AUH: variants seen among roughly 807,000 people sequenced by gnomAD.
AUH encodes the protein methylglutaconyl-CoA hydratase, mitochondrial.
Under a neutral mutation model 42.3 loss-of-function variants are expected in AUH, and 29 were observed. The ratio of observed to expected loss-of-function variants is 0.69; its 90% CI spans 0.51 to 0.93. The LOEUF (loss-of-function observed/expected upper bound fraction) is 0.93, where lower values mean the gene tolerates loss of function less well. Ranked by LOEUF, AUH falls within the 40% of genes least tolerant of loss-of-function variation. The pLI is 0.00. For synonymous variants in AUH, 174 were observed against 166.4 expected, an observed-to-expected ratio of 1.05 and a Z score of -0.35; for missense variants, 452 against 438.1, an observed-to-expected ratio of 1.03 and a Z score of -0.28.
At chr9:91,339,919 C>T (rs1217575234) in intron 3 of AUH, among the ~76,000 whole-genome samples, 3 of 152,104 alleles carry the variant, frequency 2.0e-5, no homozygotes, top group South Asian at 2.1e-4. Context: ...TCGAGATCAG[C>T]GTGCAGGGAG....
intron 6 of AUH, among the ~76,000 whole-genome samples, chr9:91,283,614 T>C (rs1226920012): frequency 6.6e-6 from 1 of 151,410 alleles, no homozygotes; most frequent in Non-Finnish European, 1.5e-5. Context: ...TTCAGCAAAG[T>C]CTCAGGATAC....
intron 6 of AUH, among the ~76,000 whole-genome samples, chr9:91,231,115 A>G (rs942196361): frequency 1.3e-5 from 2 of 152,198 alleles, no homozygotes; most frequent in African/African-American, 4.8e-5. Flanking sequence ...TTACCTAAGC[A>G]AGCCTGGGCA....
At chr9:91,325,488 A>G in intron 3 of AUH, 84 bp from the exon 4 acceptor site, 2 of 1,117,002 alleles carry the variant, frequency 1.8e-6, no homozygotes. Context: ...TAAGATTAGT[A>G]TACAACTTCA....
At chr9:91,227,032 C>T (rs1011068064) in intron 6 of AUH, among the ~76,000 whole-genome samples, 59 of 151,856 alleles carry the variant, frequency 3.9e-4, no homozygotes, top group African/African-American at 1.3e-3. Context: ...CTTGGCAATG[C>T]GGGCTCTTTT....
At chr9:91,355,997 GA>G in intron 2 of AUH, 27 bp from the exon 3 acceptor site, 1 of 1,586,748 alleles carries the variant, frequency 6.3e-7, no homozygotes, top group Non-Finnish European at 8.6e-7. Context: ...AGCATAGGAG[GA>G]AAAAGAGAAA....
intron 3 of AUH, among the ~76,000 whole-genome samples, chr9:91,339,732 G>A (rs190362809): frequency 6.6e-6 from 1 of 152,288 alleles, no homozygotes; most frequent in East Asian, 1.9e-4. Context: ...GGCTGCAATG[G>A]AGTAACTGGT....
At chr9:91,215,100 C>A (rs1468564260) in intron 9 of AUH, among the ~76,000 whole-genome samples, 1 of 152,198 alleles carries the variant, frequency 6.6e-6, no homozygotes, top group Non-Finnish European at 1.5e-5. Context: ...CTAGATACTG[C>A]TCCTTTAAAC....
chr9:91,361,730 A>C lies in AUH; in HGVS notation c.160T>G (p.Trp54Gly). The C allele has an allele frequency of 6.5e-7, 1 of 1,548,636 alleles. No homozygotes were observed. The highest frequency in any genetic ancestry group is 8.7e-7 in the Non-Finnish European group (1 of 1,146,574). Residue 54 changes from tryptophan to glycine, a missense_variant, in exon 1 of 10, where the codon TGG (tryptophan) becomes GGG (glycine). Trp to Gly is a radical substitution (Grantham distance 184). Transcript: ENST00000375731. ...GCGGGACCCCCGGCCGCAGGTACCC[A>C]GCCCTGGGCCCAGATCGCCGGGCCC... ...RAGPAIWAQG[W>G]VPAAGGPAPK...
intron 6 of AUH, among the ~76,000 whole-genome samples, chr9:91,279,770 A>G (rs952603014): frequency 6.6e-6 from 1 of 152,206 alleles, no homozygotes; most frequent in Non-Finnish European, 1.5e-5. Context: ...GTGGAAACAA[A>G]TATCTAAACT....
chr9:91,319,135 T>C (rs1023826351), intron 4 of AUH, among the ~76,000 whole-genome samples: 2 of 152,204 alleles, frequency 1.3e-5, no homozygotes, highest in African/African-American at 4.8e-5. Flanking sequence ...AAACACTTTT[T>C]ACTCCACTGT....
intron 6 of AUH, among the ~76,000 whole-genome samples, chr9:91,226,938 T>G (rs879500737): frequency 1.4e-5 from 2 of 145,978 alleles, no homozygotes; most frequent in African/African-American, 5.0e-5. Flanking sequence ...AGTACCATGC[T>G]GTTTTGGTTA....
intron 6 of AUH, among the ~76,000 whole-genome samples, chr9:91,253,687 G>C (rs1412716268): frequency 6.6e-6 from 1 of 152,198 alleles, no homozygotes; most frequent in African/African-American, 2.4e-5. Flanking sequence ...GCAGTCATCA[G>C]GAGCCTTGCA....
At chr9:91,265,786 T>G (rs191972720) in intron 6 of AUH, among the ~76,000 whole-genome samples, 1 of 152,330 alleles carries the variant, frequency 6.6e-6, no homozygotes, top group Non-Finnish European at 1.5e-5. Flanking sequence ...TCTGAAAACT[T>G]GCATATCTTC....
chr9:91,279,056 T>C (rs1289300960), intron 6 of AUH, among the ~76,000 whole-genome samples: 2 of 152,246 alleles, frequency 1.3e-5, no homozygotes, highest in African/African-American at 4.8e-5. Flanking sequence ...TGGGTGTATA[T>C]ATGCCAAAAC....
rs992125326 is a variant in AUH at position 91,347,637 on chromosome 9, C to A, written c.418+8246G>T. Among the ~76,000 whole-genome samples the A allele has an allele frequency of 4.6e-5, 7 of 152,250 alleles. No individual in the cohort carries two copies. In the South Asian group the frequency reaches 1.2e-3, roughly 27 times the overall value. On this transcript the variant is annotated intron_variant, in intron 3 of 9. Coordinates refer to ENST00000375731, the MANE Select transcript of AUH (RefSeq NM_001698.3). ...GGTTTTAAGAGCTCTGTACCAAGAACAAGGGCAAAGACCAAATATATTTTT... is the reference window on the plus strand; with the variant it reads ...GGTTTTAAGAGCTCTGTACCAAGAAAAAGGGCAAAGACCAAATATATTTTT...
At chr9:91,300,558 G>A (rs781749356) in intron 4 of AUH, among the ~76,000 whole-genome samples, 1 of 152,152 alleles carries the variant, frequency 6.6e-6, no homozygotes, top group African/African-American at 2.4e-5. Context: ...ACCCTTCTAT[G>A]CATCTTCTAC....
At chr9:91,307,392 G>A (rs1005647688) in intron 4 of AUH, among the ~76,000 whole-genome samples, 17 of 152,204 alleles carry the variant, frequency 1.1e-4, no homozygotes, top group Non-Finnish European at 2.2e-4. Flanking sequence ...TAACAGAGGT[G>A]TAAGTAAATC....
At chr9:91,232,404 AT>A (rs1334215997) in intron 6 of AUH, among the ~76,000 whole-genome samples, 1 of 152,146 alleles carries the variant, frequency 6.6e-6, no homozygotes, top group Non-Finnish European at 1.5e-5. Flanking sequence ...AAATTATCAC[AT>A]TGTGCCCCAT....
At chr9:91,229,939 T>C (rs924911323) in intron 6 of AUH, among the ~76,000 whole-genome samples, 2 of 152,242 alleles carry the variant, frequency 1.3e-5, no homozygotes, top group African/African-American at 4.8e-5. Context: ...TTAAGTCTGA[T>C]GGGCTTCCCT....
Sources: gnomAD v4.1 joint callset for allele counts (sites outside exome capture counted in the v4.1 genomes callset) on GRCh38, gnomAD v4.1.1 for gene constraint, MANE v1.5 for transcripts, NCBI Gene and HGNC (gene_info 2026-07-23, HGNC 2026-07-21) for gene names.